UNC13B: variants seen among roughly 807,000 people sequenced by gnomAD.
The protein encoded by UNC13B is protein unc-13 homolog B.
A neutral mutation model predicts 211.0 loss-of-function variants in UNC13B; 144 were observed. The ratio of observed to expected loss-of-function variants is 0.68; its 90% CI spans 0.60 to 0.78. The LOEUF (loss-of-function observed/expected upper bound fraction) is 0.78. UNC13B is among the 30% of genes least tolerant of loss of function. The probability of loss-of-function intolerance (pLI) is 0.00; values close to 1 mark genes in which losing one functional copy is unlikely to be tolerated. For synonymous variants in UNC13B, 709 were observed against 725.8 expected (o/e 0.98, Z 0.37); for missense variants, 1,777 against 2,002.0 (o/e 0.89, Z 2.14).
At chr9:35,285,494 G>T (rs546474167) in intron 7 of UNC13B, among the ~76,000 whole-genome samples, 2 of 152,296 alleles carry the variant, frequency 1.3e-5, no homozygotes, top group South Asian at 4.1e-4. Flanking sequence ...TGAGGCAGGT[G>T]GATTGCTTGA....
In UNC13B at chr9:35,367,208, C is replaced by T. The variant is rs1179694527; in HGVS notation, c.9461+215C>T. Among the ~76,000 whole-genome samples, 6 of 152,114 alleles carry T rather than the reference C, an allele frequency of 3.9e-5. No individual in the cohort carries two copies. In the East Asian group the frequency reaches 1.2e-3, roughly 29 times the overall value. ...AGAGGGAACTTTGCAGAATGGTTAC[C>T]CTGGTGCAGGGGAGGGAGCTTTGGG... On this transcript the variant is annotated intron_variant, in intron 12 of 39. Transcript: ENST00000635942.
intron 26 of UNC13B, among the ~76,000 whole-genome samples, chr9:35,395,077 A>C (rs1835784846): frequency 6.6e-6 from 1 of 152,162 alleles, no homozygotes; most frequent in Non-Finnish European, 1.5e-5. Flanking sequence ...GTTCCAGAAC[A>C]GCAGGGGATG....
intron 1 of UNC13B, among the ~76,000 whole-genome samples, chr9:35,171,062 G>C (rs1009268155): frequency 3.3e-5 from 5 of 152,098 alleles, no homozygotes; most frequent in Non-Finnish European, 5.9e-5. Context: ...GCCCGCCTCA[G>C]CCTCCCAAAG....
At chr9:35,171,148 C>A (rs1334308172) in intron 1 of UNC13B, among the ~76,000 whole-genome samples, 1 of 150,648 alleles carries the variant, frequency 6.6e-6, no homozygotes, top group Non-Finnish European at 1.5e-5. Flanking sequence ...TTTACCCCGG[C>A]TGGAATGCAG....
rs149019796 is a variant in UNC13B at position 35,254,244 on chromosome 9, A to G, written c.469-4749A>G. ...CTTAGTCTATTTGGATTGCTATAACAATGCAAACTGGATAGCTTATAAACA... is the reference window on the plus strand; with the variant it reads ...CTTAGTCTATTTGGATTGCTATAACGATGCAAACTGGATAGCTTATAAACA... On this transcript the variant is annotated intron_variant, in intron 6 of 39. Transcript: ENST00000635942. Among the ~76,000 whole-genome samples the G allele has an allele frequency of 3.0e-4, 46 of 152,332 alleles. 1 individual carries two copies. In the East Asian group the frequency reaches 8.7e-3, roughly 29 times the overall value.
intron 22 of UNC13B, chr9:35,384,865 A>G: frequency 1.5e-6 from 1 of 679,114 alleles, no homozygotes; most frequent in Non-Finnish European, 1.8e-6. Flanking sequence ...AGTTCCTCCT[A>G]TGTTAGATCT....
intron 13 of UNC13B, among the ~76,000 whole-genome samples, chr9:35,371,349 C>CTTT (rs751513784): frequency 0.077 from 10,720 of 138,758 alleles, 538 homozygotes; most frequent in East Asian, 0.28. Context: ...TTCTTTCTTT[C>CTTT]TTTTTTTTTT....
In UNC13B at chr9:35,382,584, A is replaced by G. The variant is rs2132263881; in HGVS notation, c.10806+77A>G. 7 of 1,393,324 alleles carry G rather than the reference A, an allele frequency of 5.0e-6. No individual in the cohort carries two copies. The South Asian group carries it at 9.5e-5, about 19-fold the overall frequency. The allele number at this position is 1,393,324 out of a possible 1,614,324, so 86.3% of individuals were successfully genotyped here. On this transcript the variant is annotated intron_variant, in intron 21 of 39. Transcript: ENST00000635942. ...TTGATTTTTTTTTTTTTTTTTTGAG[A>G]CAGAGTCTCGCTCTGTTGCCCAGGC...
chr9:35,339,424 C>T (rs190633377), intron 11 of UNC13B, among the ~76,000 whole-genome samples: 230 of 152,294 alleles, frequency 1.5e-3, no homozygotes, highest in Non-Finnish European at 2.3e-3. Flanking sequence ...GCCTGCTTGT[C>T]CCAAAGAGCT....
chr9:35,339,048 C>T (rs905630047), intron 11 of UNC13B, among the ~76,000 whole-genome samples: 9 of 152,208 alleles, frequency 5.9e-5, no homozygotes, highest in Non-Finnish European at 5.9e-5. Context: ...CAGGTCTGAA[C>T]CTTCCCACAA....
intron 7 of UNC13B, among the ~76,000 whole-genome samples, chr9:35,278,405 G>T (rs1429861261): frequency 3.9e-5 from 6 of 152,164 alleles, no homozygotes; most frequent in African/African-American, 1.4e-4. Flanking sequence ...GGAAGCAGAA[G>T]AGCCTTATGA....
In UNC13B at chr9:35,243,384, C is replaced by T. The variant is rs1320151886; in HGVS notation, c.468+20C>T. 1.2e-6 allele frequency: 2 copies of T among 1,612,608 alleles called. No individual in the cohort carries two copies. Among genetic ancestry groups the T allele is most frequent in the South Asian group, 2.2e-5 (2 of 90,894 alleles). On this transcript the variant is annotated intron_variant, in intron 6 of 39. Transcript: ENST00000635942. ...AATGAGGTAGGAGCAGCCTTATTTG[C>T]AGTATAGAGAGATGGGGGAAAATCT...
chr9:35,206,121 T>C (rs542744559), intron 1 of UNC13B, among the ~76,000 whole-genome samples: 2 of 152,110 alleles, frequency 1.3e-5, no homozygotes, highest in South Asian at 4.2e-4. Context: ...GAGGCAGAGG[T>C]TGTAGTGAGC....
chr9:35,249,814 A>C (rs1826349787), intron 6 of UNC13B, among the ~76,000 whole-genome samples: 2 of 152,136 alleles, frequency 1.3e-5, no homozygotes, highest in Admixed American at 6.6e-5. Context: ...AACTTTGGTG[A>C]ATCTGACAAT....
At chr9:35,188,539 A>G (rs938547975) in intron 1 of UNC13B, among the ~76,000 whole-genome samples, 1 of 152,206 alleles carries the variant, frequency 6.6e-6, no homozygotes, top group Admixed American at 6.5e-5. Context: ...GTGACAAAAC[A>G]TGCCAAATAA....
chr9:35,162,169 G>A lies in UNC13B; in HGVS notation c.-115G>A. Reference sequence around the variant, plus strand: ...ACGCTACCTGCGACCGGGACCATGAGGAGCTGCCAGACCCGTGGGGCCGGT... The same window carrying A: ...ACGCTACCTGCGACCGGGACCATGAAGAGCTGCCAGACCCGTGGGGCCGGT... On this transcript the variant is annotated 5_prime_UTR_variant, in exon 1 of 40. Coordinates refer to ENST00000635942, the MANE Select transcript of UNC13B (RefSeq NM_001371189.2). The A allele has an allele frequency of 6.8e-7, 1 of 1,468,692 alleles. No homozygotes were observed. Among genetic ancestry groups the A allele is most frequent in the Non-Finnish European group, 9.2e-7 (1 of 1,086,008 alleles). The allele number at this position is 1,468,692 out of a possible 1,614,324, so 91.0% of individuals were successfully genotyped here. A position where few individuals can be genotyped will look rare whatever the true frequency, so the allele number is the denominator to read the frequency against.
chr9:35,309,494 T>G (rs2131856247), intron 9 of UNC13B, among the ~76,000 whole-genome samples: 1 of 152,246 alleles, frequency 6.6e-6, no homozygotes, highest in South Asian at 2.1e-4. Context: ...AAGAAAATTC[T>G]TCAAAAGAAC....
intron 11 of UNC13B, among the ~76,000 whole-genome samples, chr9:35,324,989 C>T (rs1445622166): frequency 1.3e-5 from 2 of 152,150 alleles, no homozygotes; most frequent in African/African-American, 4.8e-5. Context: ...GTTTTACGTC[C>T]TGCATTTTGT....
chr9:35,352,038 AG>A, intron 11 of UNC13B: 1 of 1,232,266 alleles, frequency 8.1e-7, no homozygotes, highest in Non-Finnish European at 1.0e-6. Flanking sequence ...AGCCAAGTCC[AG>A]GGTTCCGTGG....
Sources: allele counts gnomAD v4.1 joint callset (sites outside exome capture counted in the v4.1 genomes callset), GRCh38; gene constraint gnomAD v4.1.1; transcripts MANE v1.5; gene names NCBI Gene and HGNC (gene_info 2026-07-23, HGNC 2026-07-21).